The following TTN variants were observed in gnomAD, a reference collection of about 807,000 sequenced individuals.
The protein encoded by TTN is titin, also known as connectin.
TTN carries 1,525 observed loss-of-function variants against 3,223.0 expected under a neutral mutation model. The observed-to-expected ratio is 0.47, with a 90% CI of 0.45 to 0.49. The LOEUF is 0.49. Ranked by LOEUF, TTN falls within the 20% of genes least tolerant of loss-of-function variation. TTN has a pLI of 0.00. For missense variants in TTN, 40,786 were observed against 43,424.0 expected, an observed-to-expected ratio of 0.94 and a Z score of 5.40; for synonymous variants, 14,094 against 15,161.0, an observed-to-expected ratio of 0.93 and a Z score of 5.17.
intron 242 of TTN, among the ~76,000 whole-genome samples, chr2:178,624,069 T>C (rs2058683596): frequency 3.3e-5 from 5 of 151,786 alleles, no homozygotes. Context: ...GAAAATTCAT[T>C]TTCCTTCCAC....
Position 178,663,878 on chromosome 2 carries a change from A to T in TTN, c.36389T>A (p.Ile12130Asn). 6.2e-7 allele frequency: 1 copy of T among 1,613,390 alleles called. No homozygotes were observed. The highest frequency in any genetic ancestry group is 1.1e-5 in the South Asian group (1 of 91,078). ...VKVPEASKEV[I>N]REEKVPLAPP... ...AGCCAAGGGCACTTTCTCTTCGCGG[A>T]TAACCTCTTTGGAAGCTTCTGGCAC... The change falls in exon 170 of 363, where the codon ATC becomes AAC. Residue 12130 changes from isoleucine to asparagine, a missense_variant. Transcript: ENST00000589042.
chr2:178,741,998 C>T, intron 47 of TTN, 77 bp from the exon 48 acceptor site: 1 of 1,084,924 alleles, frequency 9.2e-7, no homozygotes, highest in Non-Finnish European at 1.2e-6. Flanking sequence ...GAATTAGACA[C>T]CAGTTGATGG....
At position 178,565,838 on chromosome 2, in the gene TTN, A is replaced by C. The variant is rs1469008305; in HGVS notation, c.80294T>G (p.Val26765Gly). ...FRVMAENEFG[V>G]GVPVETVDAV... ...ATCAACAGTTTCCACTGGAACACCA[A>C]CTCCAAATTCATTTTCAGCCATGAC... Residue 26765 changes from valine (V) to glycine (G), a missense_variant, in exon 326 of 363, where the codon GTT becomes GGT. By Grantham distance (109) the Val-to-Gly change is moderately radical (BLOSUM62 -3). Transcript: ENST00000589042. The C allele has an allele frequency of 6.2e-7, 1 of 1,613,524 alleles. No individual in the cohort carries two copies. Among genetic ancestry groups the C allele is most frequent in the East Asian group, 2.2e-5 (1 of 44,846 alleles).
Position 178,527,452 on chromosome 2 carries a change from T to G in TTN, c.107674A>C (p.Ile35892Leu). The G allele has an allele frequency of 6.2e-7, 1 of 1,613,094 alleles. No homozygotes were observed. The highest frequency in any genetic ancestry group is 8.5e-7 in the Non-Finnish European group (1 of 1,179,130). ...CAGTAATTTTATTGCTCACCTCTTA[T>G]GCCTGCTTTAAGCATTTTACTAGTT... ...SSTSKMLKAG[I>L]RGIPPKIEAL... is the part of the protein sequence containing the mutation. Residue 35892 changes from isoleucine (I) to leucine (L), a missense_variant, in exon 362 of 363, where the codon ATA becomes CTA. Coordinates refer to ENST00000589042, the MANE Select transcript of TTN (RefSeq NM_001267550.2).
intron 24 of TTN, 115 bp from the exon 25 acceptor site, chr2:178,778,090 A>C: frequency 7.5e-7 from 1 of 1,336,480 alleles, no homozygotes; most frequent in East Asian, 2.5e-5. Flanking sequence ...TCTTGCACGT[A>C]TTAGAAGGCA....
intron 10 of TTN, 38 bp from the exon 11 acceptor site, chr2:178,790,883 A>T: frequency 6.2e-7 from 1 of 1,611,930 alleles, no homozygotes; most frequent in East Asian, 2.2e-5. Flanking sequence ...GAGTTTCAAA[A>T]GATACAAAAG....
chr2:178,599,700 T>C lies in TTN; in HGVS notation c.56201A>G (p.Tyr18734Cys), dbSNP rs1056996215. ...KKPDNKEPVL[Y>C]DTHVNKLVVD... is the part of the protein sequence containing the mutation. ...CACCAGTTTGTTGACATGGGTGTCATAGAGAACAGGTTCTTTGTTATCAGG... is the reference window on the plus strand; with the variant it reads ...CACCAGTTTGTTGACATGGGTGTCACAGAGAACAGGTTCTTTGTTATCAGG... Residue 18734 changes from tyrosine (Y) to cysteine (C), a missense_variant, in exon 289 of 363, where the codon TAT (tyrosine) becomes TGT (cysteine). Coordinates refer to ENST00000589042, the MANE Select transcript of TTN (RefSeq NM_001267550.2). 6.2e-6 allele frequency: 10 copies of C among 1,612,958 alleles called. No individual in the cohort carries two copies. The highest frequency in any genetic ancestry group is 2.2e-5 in the South Asian group (2 of 91,014).
chr2:178,639,151 T>C (rs527367758), intron 223 of TTN, among the ~76,000 whole-genome samples: 1 of 152,182 alleles, frequency 6.6e-6, no homozygotes, highest in South Asian at 2.1e-4. Context: ...TTTTTTCTTT[T>C]TCTTTCTTAT....
intron 222 of TTN, 30 bp from the exon 223 acceptor site, chr2:178,639,818 A>G: frequency 6.5e-7 from 1 of 1,544,870 alleles, no homozygotes; most frequent in Non-Finnish European, 8.7e-7. Flanking sequence ...GCATTAGTGT[A>G]TCAATTTGTC....
chr2:178,629,468 T>G (rs1289648665), intron 239 of TTN, 25 bp from the exon 240 acceptor site: 1 of 1,611,856 alleles, frequency 6.2e-7, no homozygotes, highest in African/African-American at 1.3e-5. Context: ...AGAAACAGCT[T>G]TGCGTTACTC....
At position 178,719,558 on chromosome 2, in the gene TTN, A is replaced by C. The variant is rs746198613; in HGVS notation, c.23934T>G (p.Val7978=). 2 of 1,603,476 alleles carry C rather than the reference A, an allele frequency of 1.2e-6. No homozygotes were observed. Among genetic ancestry groups the C allele is most frequent in the East Asian group, 2.2e-5 (1 of 44,682 alleles). The change falls in exon 82 of 363, where the codon GTT becomes GTG. Residue 7978 remains valine (V), a synonymous_variant. Coordinates refer to ENST00000589042, the MANE Select transcript of TTN (RefSeq NM_001267550.2). The stretch of plus-strand genomic sequence containing the variant: ...TAAAAATCTCATTCTACTCACCAGA[A>C]ACATGGACGGATACAGTGCAGTTAC... ...GKSNCTVSVH[V]SDRIVPPSFI...
Position 178,560,653 on chromosome 2 carries a change from T to C in TTN, c.85479A>G (p.Thr28493=), listed in dbSNP as rs1424574418. The C allele has an allele frequency of 1.2e-6, 2 of 1,613,674 alleles. No individual in the cohort carries two copies. The highest frequency in any genetic ancestry group is 1.7e-6 in the Non-Finnish European group (2 of 1,179,786). ...CACATATTGTCCATGCAAGGTGGCT[T>C]GTTTCACGTTTTTCTACGATGTAAT... is the stretch of plus-strand genomic sequence containing the variant. ...IDYYIVEKRE[T]SHLAWTICEG... is the part of the protein sequence containing the mutation. The change falls in exon 326 of 363, where the codon ACA becomes ACG. Residue 28493 remains threonine (T), a synonymous_variant. Coordinates refer to ENST00000589042, the MANE Select transcript of TTN (RefSeq NM_001267550.2).
In TTN at chr2:178,560,130, T is replaced by C. The variant is rs72648225; in HGVS notation, c.86002A>G (p.Ile28668Val). 6.6e-5 allele frequency: 106 copies of C among 1,613,574 alleles called. No homozygotes were observed. Among genetic ancestry groups the C allele is most frequent in the Non-Finnish European group, 5.3e-5 (63 of 1,179,752 alleles). The change falls in exon 326 of 363, where the codon ATA becomes GTA. Residue 28668 changes from isoleucine to valine, a missense_variant. By Grantham distance (29) the Ile-to-Val change is conservative. Transcript: ENST00000589042. ...AGCGGCTTAACCCAGGCAATAGTTA[T>C]AGTTGTCTTGCCTGAGTCCACAATT... ...PKIVDSGKTT[I>V]TIAWVKPLFD...
intron 93 of TTN, 31 bp downstream of exon 93, chr2:178,713,054 T>C: frequency 1.9e-6 from 3 of 1,607,332 alleles, no homozygotes; most frequent in Non-Finnish European, 2.6e-6. Context: ...AACTATGAAA[T>C]GCAATTCATT....
chr2:178,730,021 T>TCGCCCCC, intron 62 of TTN, 72 bp downstream of exon 62: 24 of 1,557,852 alleles, frequency 1.5e-5, no homozygotes, highest in Non-Finnish European at 2.1e-5. Flanking sequence ...GTCTTAAGCG[T>TCGCCCCC]CCCCCGCCCC....
chr2:178,580,461 A>T lies in TTN; in HGVS notation c.66918T>A (p.Ile22306=), dbSNP rs1197585597. 1.9e-6 allele frequency: 3 copies of T among 1,613,030 alleles called. No homozygotes were observed. The African/African-American group carries it at 4.0e-5, about 22-fold the overall frequency. ...SKPNVNLRDR[I]GLDIKSTDFD... ...AGTCAGTTGACTTTATGTCCAGTCC[A>T]ATCCTGTCTCTTAGATTGACATTTG... Residue 22306 remains isoleucine (I), a synonymous_variant, in exon 317 of 363, where the codon ATT becomes ATA. Transcript: ENST00000589042.
At position 178,768,164 on chromosome 2, in the gene TTN, T is replaced by A. The variant is rs370434818; in HGVS notation, c.9164-9A>T. 12 of 1,613,818 alleles carry A rather than the reference T, an allele frequency of 7.4e-6. No individual in the cohort carries two copies. The highest frequency in any genetic ancestry group is 1.3e-5 in the African/African-American group (1 of 74,942). On this transcript the variant is annotated splice_polypyrimidine_tract_variant and intron_variant, in intron 38 of 362. Coordinates refer to ENST00000589042, the MANE Select transcript of TTN (RefSeq NM_001267550.2). ...AAATTCTATATGACGAGCTGGAAAA[T>A]AGCATGTAGAAAAATTAACATTTTT... is the stretch of plus-strand genomic sequence containing the variant.
chr2:178,664,081 C>G lies in TTN; in HGVS notation c.36298G>C (p.Glu12100Gln), dbSNP rs1553792448. Reference protein sequence around the residue: ...VPVKVHEAPKEIIPEKKVSVV... With the variant: ...VPVKVHEAPKQIIPEKKVSVV... ...GACACTTTCTTTTCAGGGATAATCT[C>G]TTTGGGAGCTTCGTGCACTTGAAAG... is the stretch of plus-strand genomic sequence containing the variant. The change falls in exon 169 of 363, where the codon GAG becomes CAG. Residue 12100 changes from glutamate (E) to glutamine (Q), a missense_variant. Transcript: ENST00000589042. The G allele has an allele frequency of 6.2e-7, 1 of 1,611,740 alleles. No individual in the cohort carries two copies.
chr2:178,564,508 T>G lies in TTN; in HGVS notation c.81624A>C (p.Glu27208Asp). 3 of 1,612,536 alleles carry G rather than the reference T, an allele frequency of 1.9e-6. No individual in the cohort carries two copies. Among genetic ancestry groups the G allele is most frequent in the Non-Finnish European group, 2.5e-6 (3 of 1,179,220 alleles). ...AGCGGCCATCAGGTAGATCTTTCTT[T>G]TCTACAATATAACCTGTTATTTTGC... is the stretch of plus-strand genomic sequence containing the variant. ...GGSKITGYIVEKKDLPDGRWM... is the reference protein window; with the variant it reads ...GGSKITGYIVDKKDLPDGRWM... The change falls in exon 326 of 363, where the codon GAA becomes GAC. Residue 27208 changes from glutamate (E) to aspartate (D), a missense_variant. Coordinates refer to ENST00000589042, the MANE Select transcript of TTN (RefSeq NM_001267550.2).
Sources: allele counts gnomAD v4.1 joint callset (sites outside exome capture counted in the v4.1 genomes callset), GRCh38; gene constraint gnomAD v4.1.1; transcripts MANE v1.5; gene names NCBI Gene and HGNC (gene_info 2026-07-23, HGNC 2026-07-21).